TAFA1: variants seen among roughly 807,000 people sequenced by gnomAD.
TAFA1 encodes chemokine-like protein TAFA-1.
TAFA1 carries 4 observed loss-of-function variants against 18.5 expected under a neutral mutation model. The ratio of observed to expected loss-of-function variants is 0.22; its 90% CI spans 0.11 to 0.49. The LOEUF (loss-of-function observed/expected upper bound fraction) is 0.49, where lower values mean the gene tolerates loss of function less well. Ranked by LOEUF, TAFA1 falls within the 20% of genes least tolerant of loss-of-function variation. The pLI is 0.98. For synonymous variants in TAFA1, 56 were observed against 55.2 expected, an observed-to-expected ratio of 1.01 and a Z score of -0.06; for missense variants, 147 against 169.0, an observed-to-expected ratio of 0.87 and a Z score of 0.72.
At chr3:68,303,605 C>T (rs545307455) in intron 2 of TAFA1, among the ~76,000 whole-genome samples, 48 of 152,146 alleles carry the variant, frequency 3.2e-4, no homozygotes, top group East Asian at 1.5e-3. Context: ...CCCACCACCA[C>T]GTCCAGCTAA....
chr3:68,483,662 T>C (rs538731987), intron 3 of TAFA1, among the ~76,000 whole-genome samples: 1 of 152,340 alleles, frequency 6.6e-6, no homozygotes, highest in African/African-American at 2.4e-5. Flanking sequence ...GGGTTTATTT[T>C]ACCTAGGGTG....
At chr3:68,392,881 C>T (rs536821285) in intron 2 of TAFA1, among the ~76,000 whole-genome samples, 1 of 152,182 alleles carries the variant, frequency 6.6e-6, no homozygotes, top group East Asian at 1.9e-4. Flanking sequence ...ATTTATAGCG[C>T]TAAATGTCCA....
intron 2 of TAFA1, among the ~76,000 whole-genome samples, chr3:68,312,767 C>T (rs963712020): frequency 1.3e-5 from 2 of 152,210 alleles, no homozygotes; most frequent in African/African-American, 4.8e-5. Context: ...GTTTGAAAGT[C>T]TCTTCCACAT....
Position 68,145,350 on chromosome 3 carries a change from G to A in TAFA1, c.118+138606G>A, listed in dbSNP as rs941309621. On this transcript the variant is annotated intron_variant, in intron 2 of 4. Transcript: ENST00000478136. ...GCACTTAGAGATGCAACAAGGAGAC[G>A]CACCTTTGCCCTGGTCTCTCAAGCA... The A allele has an allele frequency of 1.4e-4, 109 of 803,832 alleles. 1 individual carries two copies. In the Admixed American group the frequency reaches 1.5e-3, roughly 11 times the overall value. The allele number at this position is 803,832 out of a possible 1,614,324, so 49.8% of individuals were successfully genotyped here. A position where few individuals can be genotyped will look rare whatever the true frequency, so the allele number is the denominator to read the frequency against.
chr3:68,037,498 G>T (rs1451252563), intron 2 of TAFA1, among the ~76,000 whole-genome samples: 2 of 152,096 alleles, frequency 1.3e-5, no homozygotes, highest in African/African-American at 4.8e-5. Flanking sequence ...AAATGTCTAG[G>T]TGTTAATATT....
At chr3:68,140,104 T>C (rs528743495) in intron 2 of TAFA1, among the ~76,000 whole-genome samples, 1 of 152,284 alleles carries the variant, frequency 6.6e-6, no homozygotes, top group Non-Finnish European at 1.5e-5. Flanking sequence ...GAAGAATACA[T>C]AGTGGGTTAA....
At chr3:68,188,357 G>A (rs1477660566) in intron 2 of TAFA1, among the ~76,000 whole-genome samples, 1 of 151,380 alleles carries the variant, frequency 6.6e-6, no homozygotes, top group African/African-American at 2.4e-5. Context: ...ATTTTAAAAT[G>A]GATGATTTTC....
chr3:68,139,555 A>G (rs534612166), intron 2 of TAFA1, among the ~76,000 whole-genome samples: 2 of 152,362 alleles, frequency 1.3e-5, no homozygotes, highest in African/African-American at 2.4e-5. Flanking sequence ...AGAAGTAAAT[A>G]TATGGAATTG....
chr3:68,199,834 C>G (rs890361321), intron 2 of TAFA1, among the ~76,000 whole-genome samples: 2 of 151,396 alleles, frequency 1.3e-5, no homozygotes, highest in Non-Finnish European at 3.0e-5. Context: ...GTATACTTTG[C>G]TTTTCTTGTC....
chr3:68,032,838 A>T (rs1227294947), intron 2 of TAFA1, among the ~76,000 whole-genome samples: 1 of 152,172 alleles, frequency 6.6e-6, no homozygotes, highest in Non-Finnish European at 1.5e-5. Flanking sequence ...TCTGGGGGAA[A>T]GTCAAAATGT....
chr3:68,437,363 A>C (rs1338053175), intron 3 of TAFA1, among the ~76,000 whole-genome samples: 1 of 152,184 alleles, frequency 6.6e-6, no homozygotes, highest in Non-Finnish European at 1.5e-5. Flanking sequence ...CCATTTTCTT[A>C]TGGACTTTCT....
chr3:68,105,708 C>CT (rs943424406), intron 2 of TAFA1, among the ~76,000 whole-genome samples: 2 of 152,076 alleles, frequency 1.3e-5, no homozygotes, highest in Non-Finnish European at 2.9e-5. Context: ...TACAGTCACA[C>CT]TTTTTTGCCA....
chr3:68,088,909 G>A (rs1398709178), intron 2 of TAFA1, among the ~76,000 whole-genome samples: 1 of 152,120 alleles, frequency 6.6e-6, no homozygotes, highest in Admixed American at 6.5e-5. Flanking sequence ...TGTAATGGTA[G>A]AGCTGATCGG....
At chr3:68,157,745 A>G (rs2065881288) in intron 2 of TAFA1, among the ~76,000 whole-genome samples, 1 of 152,176 alleles carries the variant, frequency 6.6e-6, no homozygotes, top group Non-Finnish European at 1.5e-5. Context: ...TTTATCTCCA[A>G]ATAGCTCTGG....
At chr3:68,239,185 C>T (rs1559571335) in intron 2 of TAFA1, among the ~76,000 whole-genome samples, 1 of 152,056 alleles carries the variant, frequency 6.6e-6, no homozygotes, top group African/African-American at 2.4e-5. Flanking sequence ...TTAGTTTTCT[C>T]TGTCTTCCTT....
In TAFA1 at chr3:68,304,281, A is replaced by C. The variant is rs1398007861; in HGVS notation, c.119-112999A>C. Among the ~76,000 whole-genome samples, 3 of 152,236 alleles carry C rather than the reference A, an allele frequency of 2.0e-5. No homozygotes were observed. In the East Asian group the frequency reaches 5.8e-4, roughly 29 times the overall value. ...AAAATTCAAAATACTAGAAGGTTTT[A>C]TTTGTTAAAGCCCAGGTTAATACAA... On this transcript the variant is annotated intron_variant, in intron 2 of 4. Transcript: ENST00000478136.
intron 2 of TAFA1, among the ~76,000 whole-genome samples, chr3:68,161,301 G>C (rs2065922899): frequency 6.6e-6 from 1 of 152,250 alleles, no homozygotes; most frequent in South Asian, 2.1e-4. Flanking sequence ...TTTCATCTGT[G>C]TACTTAACCT....
intron 2 of TAFA1, among the ~76,000 whole-genome samples, chr3:68,246,460 G>T (rs967565566): frequency 9.9e-5 from 15 of 151,386 alleles, no homozygotes; most frequent in Admixed American, 2.0e-4. Flanking sequence ...CGTGGTGGCG[G>T]GCGCCTGTAG....
chr3:68,370,470 G>GTATATATATATATATATATATATGTATA (rs2069675173), intron 2 of TAFA1, among the ~76,000 whole-genome samples: 2 of 31,172 alleles, frequency 6.4e-5, no homozygotes, highest in Admixed American at 1.0e-3. Context: ...GTGTGTGTGT[G>GTATATATATATATATATATATATGTATA]TGTATATATA....
Sources: allele counts gnomAD v4.1 joint callset (sites outside exome capture counted in the v4.1 genomes callset), GRCh38; gene constraint gnomAD v4.1.1; transcripts MANE v1.5; gene names NCBI Gene and HGNC (gene_info 2026-07-23, HGNC 2026-07-21).